Variants in DNAH7 observed in about 807,000 individuals in gnomAD.
DNAH7 encodes the protein axonemal beta dynein heavy chain 7.
Under a neutral mutation model 444.6 loss-of-function variants are expected in DNAH7, and 397 were observed. That is an observed-to-expected ratio of 0.89 (90% confidence interval 0.82 to 0.97). DNAH7 has a LOEUF of 0.97. Among genes scored for constraint, DNAH7 ranks in the 50% least tolerant of loss-of-function variants. The pLI is 0.00. For missense variants in DNAH7, 4,902 were observed against 4,800.8 expected (o/e 1.02, Z -0.62); for synonymous variants, 1,636 against 1,624.4 (o/e 1.01, Z -0.17).
Position 195,815,413 on chromosome 2 carries a change from T to C in DNAH7, c.9761+1215A>G, listed in dbSNP as rs375120588. ...CCTTTATTAGTCTCATATTCAAACTTGTAAAATAATAAATCTTACTAACAA... is the reference window on the plus strand; with the variant it reads ...CCTTTATTAGTCTCATATTCAAACTCGTAAAATAATAAATCTTACTAACAA... On this transcript the variant is annotated intron_variant, in intron 51 of 64. Transcript: ENST00000312428. Among the ~76,000 whole-genome samples, 5 of 151,966 alleles carry C rather than the reference T, an allele frequency of 3.3e-5. No individual in the cohort carries two copies. The South Asian group carries it at 8.3e-4, about 25-fold the overall frequency.
In DNAH7 at chr2:195,778,618, G is replaced by GGAAA. The variant is rs1365539221; in HGVS notation, c.10879-634_10879-633insTTTC. On this transcript the variant is annotated intron_variant, in intron 58 of 64. Coordinates refer to ENST00000312428, the MANE Select transcript of DNAH7 (RefSeq NM_018897.3). ...TGGGTGACAGAGCAAGACCCTGTCT[G>GGAAA]AAAAAAAAAAAAAATAAATAAATAA... Among the ~76,000 whole-genome samples the GGAAA allele has an allele frequency of 2.3e-3, 50 of 21,750 alleles. 8 individuals are homozygous for GGAAA. The highest frequency in any genetic ancestry group is 6.1e-3 in the African/African-American group (30 of 4,948). 14.3% of individuals were successfully genotyped at this position (21,750 alleles called of 152,430 possible).
In DNAH7 at chr2:195,816,976, A is replaced by C. The variant is rs1697252212; in HGVS notation, c.9426-13T>G. On this transcript the variant is annotated splice_polypyrimidine_tract_variant and intron_variant, in intron 50 of 64. Coordinates refer to ENST00000312428, the MANE Select transcript of DNAH7 (RefSeq NM_018897.3). ...TTCTTTTAACTGCCTGGAATAAAACAAAATTTTCTTAGAAGAAAAAGAAGT... is the reference window on the plus strand; with the variant it reads ...TTCTTTTAACTGCCTGGAATAAAACCAAATTTTCTTAGAAGAAAAAGAAGT... 6.5e-7 allele frequency: 1 copy of C among 1,543,364 alleles called. No individual in the cohort carries two copies. Among genetic ancestry groups the C allele is most frequent in the African/African-American group, 1.4e-5 (1 of 71,982 alleles).
intron 19 of DNAH7, among the ~76,000 whole-genome samples, chr2:195,952,074 G>GT (rs1232772847): frequency 5.9e-5 from 9 of 152,180 alleles, no homozygotes; most frequent in Non-Finnish European, 1.3e-4. Context: ...GATGCTAGTT[G>GT]TTTCTTTCCA....
chr2:195,816,587 G>T, intron 51 of DNAH7, 41 bp downstream of exon 51: 1 of 1,398,586 alleles, frequency 7.2e-7, no homozygotes, highest in Non-Finnish European at 9.9e-7. Context: ...CTGATTTCAT[G>T]CATTAATTAG....
At chr2:196,050,506 T>C (rs948223970) in intron 3 of DNAH7, among the ~76,000 whole-genome samples, 2 of 152,172 alleles carry the variant, frequency 1.3e-5, no homozygotes, top group East Asian at 3.8e-4. Flanking sequence ...GTTATGTATA[T>C]TTTATCAATT....
intron 61 of DNAH7, among the ~76,000 whole-genome samples, chr2:195,760,844 C>T (rs1172648778): frequency 6.6e-6 from 1 of 152,038 alleles, no homozygotes; most frequent in Non-Finnish European, 1.5e-5. Flanking sequence ...GCCCAGACTG[C>T]AAAGACTACA....
At chr2:195,954,015 C>T (rs983293161) in intron 19 of DNAH7, among the ~76,000 whole-genome samples, 3 of 152,006 alleles carry the variant, frequency 2.0e-5, no homozygotes, top group Non-Finnish European at 2.9e-5. Flanking sequence ...GAAAGACAAT[C>T]GAGTCTTTTT....
At chr2:195,974,037 A>G (rs1692027156) in intron 15 of DNAH7, among the ~76,000 whole-genome samples, 1 of 152,116 alleles carries the variant, frequency 6.6e-6, no homozygotes, top group Non-Finnish European at 1.5e-5. Context: ...AGATCACATC[A>G]CTGCACTCCA....
Position 196,019,294 on chromosome 2 carries a change from T to A in DNAH7, c.745A>T (p.Met249Leu). 6.8e-7 allele frequency: 1 copy of A among 1,472,332 alleles called. No individual in the cohort carries two copies. The allele number at this position is 1,472,332 out of a possible 1,614,324, so 91.2% of individuals were successfully genotyped here. The change falls in exon 9 of 65, where the codon ATG becomes TTG. Residue 249 changes from methionine (M) to leucine (L), a missense_variant and splice_region_variant. Transcript: ENST00000312428. The stretch of plus-strand genomic sequence containing the variant: ...CTCCAAGGTTTTGGCAGAATTTCCA[T>A]TCTGAAAACAAAGAAAATATTTAGT... Reference protein sequence around the residue: ...TDELPAHRAEMEILPKPWRKS... With the variant: ...TDELPAHRAELEILPKPWRKS...
chr2:195,959,420 G>C (rs1317414154), intron 18 of DNAH7, among the ~76,000 whole-genome samples: 2 of 152,078 alleles, frequency 1.3e-5, no homozygotes, highest in Non-Finnish European at 2.9e-5. Context: ...ATGGAATCTA[G>C]ATGTACCACT....
intron 9 of DNAH7, among the ~76,000 whole-genome samples, chr2:196,014,713 A>T (rs1042956524): frequency 2.6e-5 from 4 of 152,258 alleles, no homozygotes; most frequent in African/African-American, 9.6e-5. Context: ...TCCCACAGAA[A>T]TTCCACTCGA....
intron 21 of DNAH7, among the ~76,000 whole-genome samples, chr2:195,932,881 T>G (rs1482733527): frequency 6.6e-6 from 1 of 152,110 alleles, no homozygotes; most frequent in Non-Finnish European, 1.5e-5. Flanking sequence ...TAAAATTCTC[T>G]TTTTTTGCTG....
intron 10 of DNAH7, among the ~76,000 whole-genome samples, chr2:196,010,415 G>A (rs567165859): frequency 1.3e-5 from 2 of 152,234 alleles, no homozygotes; most frequent in South Asian, 2.1e-4. Flanking sequence ...CCAAAGTGCT[G>A]GGAGTGATAG....
intron 37 of DNAH7, among the ~76,000 whole-genome samples, chr2:195,876,229 G>A (rs758410011): frequency 2.0e-5 from 3 of 152,072 alleles, no homozygotes; most frequent in African/African-American, 7.2e-5. Flanking sequence ...TCTATTGAGA[G>A]CTGTGTTGCT....
chr2:195,965,217 T>C lies in DNAH7; in HGVS notation c.2206-4272A>G, dbSNP rs746820493. On this transcript the variant is annotated intron_variant, in intron 17 of 64. Transcript: ENST00000312428. ...TGTTATATGCTTTTTCAGCACCAAT[T>C]GAAATGATCATATTATTTTTGTCGT... 5.3e-5 allele frequency among the ~76,000 whole-genome samples: 8 copies of C among 152,330 alleles called. No individual in the cohort carries two copies. In the East Asian group the frequency reaches 7.7e-4, roughly 15 times the overall value.
chr2:195,740,876 A>G lies in DNAH7; in HGVS notation c.11765-7T>C, dbSNP rs755967185. Reference sequence around the variant, plus strand: ...AATCCGTGAATGAAAACACCTAAATATAAAAGAAACACATTAATATAACAC... The same window carrying G: ...AATCCGTGAATGAAAACACCTAAATGTAAAAGAAACACATTAATATAACAC... On this transcript the variant is annotated splice_region_variant and splice_polypyrimidine_tract_variant and intron_variant, in intron 63 of 64. Coordinates refer to ENST00000312428, the MANE Select transcript of DNAH7 (RefSeq NM_018897.3). The G allele has an allele frequency of 2.0e-6, 3 of 1,503,752 alleles. No individual in the cohort carries two copies. Among genetic ancestry groups the G allele is most frequent in the African/African-American group, 1.4e-5 (1 of 71,134 alleles). The allele number at this position is 1,503,752 out of a possible 1,614,324, so 93.2% of individuals were successfully genotyped here.
intron 57 of DNAH7, among the ~76,000 whole-genome samples, chr2:195,790,004 A>G (rs1326858343): frequency 6.6e-6 from 1 of 152,200 alleles, no homozygotes; most frequent in East Asian, 1.9e-4. Flanking sequence ...ATGTACAAAA[A>G]TGAGCAGCAT....
At chr2:195,876,432 T>A in intron 37 of DNAH7, 112 bp downstream of exon 37, 1 of 1,056,732 alleles carries the variant, frequency 9.5e-7, no homozygotes, top group Non-Finnish European at 1.4e-6. Context: ...TCCAAATTTG[T>A]GACATTAAAA....
At chr2:195,871,138 T>A (rs901035782) in intron 40 of DNAH7, among the ~76,000 whole-genome samples, 12 of 152,190 alleles carry the variant, frequency 7.9e-5, no homozygotes, top group Admixed American at 7.9e-4. Flanking sequence ...GTGGAACGGA[T>A]CTTCACGTGG....
Sources: allele counts gnomAD v4.1 joint callset (sites outside exome capture counted in the v4.1 genomes callset), GRCh38; gene constraint gnomAD v4.1.1; transcripts MANE v1.5; gene names NCBI Gene and HGNC (gene_info 2026-07-23, HGNC 2026-07-21).